Variants in CHD9 observed in about 807,000 individuals in gnomAD.
The protein encoded by CHD9 is ATP-dependent chromatin remodeler CHD9.
Under a neutral mutation model 316.1 loss-of-function variants are expected in CHD9, and 77 were observed. That is an observed-to-expected ratio of 0.24 (90% confidence interval 0.20 to 0.29). The LOEUF is 0.29. CHD9 is among the 10% of genes least tolerant of loss of function. CHD9 has a pLI of 1.00. For synonymous variants in CHD9, 1,129 were observed against 1,158.3 expected (o/e 0.97, Z 0.51); for missense variants, 2,763 against 3,438.1 (o/e 0.80, Z 4.91).
chr16:53,090,304 G>C (rs948429007), intron 1 of CHD9, among the ~76,000 whole-genome samples: 1 of 152,212 alleles, frequency 6.6e-6, no homozygotes, highest in Non-Finnish European at 1.5e-5. Flanking sequence ...CCTGGGAGAA[G>C]GATGGGGCTG....
intron 19 of CHD9, among the ~76,000 whole-genome samples, chr16:53,257,695 A>T (rs1209551660): frequency 6.6e-6 from 1 of 152,188 alleles, no homozygotes; most frequent in African/African-American, 2.4e-5. Context: ...CCAAATGGAG[A>T]TGTCTAGGAG....
intron 1 of CHD9, among the ~76,000 whole-genome samples, chr16:53,117,203 C>G (rs1419062020): frequency 6.6e-6 from 1 of 151,970 alleles, no homozygotes. Context: ...CAAACCTGTA[C>G]ATCCTGCACA....
At chr16:53,119,236 T>A (rs547057692) in intron 1 of CHD9, among the ~76,000 whole-genome samples, 1 of 152,320 alleles carries the variant, frequency 6.6e-6, no homozygotes, top group African/African-American at 2.4e-5. Context: ...GCATTAATTA[T>A]GTGCAGTTTT....
At chr16:53,237,098 A>G (rs1239249997) in intron 11 of CHD9, among the ~76,000 whole-genome samples, 1 of 152,008 alleles carries the variant, frequency 6.6e-6, no homozygotes, top group Non-Finnish European at 1.5e-5. Flanking sequence ...AATTAATATT[A>G]TTTCCTGTTT....
intron 24 of CHD9, among the ~76,000 whole-genome samples, chr16:53,277,280 C>G (rs1395211259): frequency 2.0e-5 from 3 of 152,050 alleles, no homozygotes; most frequent in Admixed American, 2.0e-4. Flanking sequence ...ACCCTGATAC[C>G]AAAACCAGGA....
intron 25 of CHD9, among the ~76,000 whole-genome samples, chr16:53,285,925 C>T (rs2053831945): frequency 6.6e-6 from 1 of 152,182 alleles, no homozygotes; most frequent in Non-Finnish European, 1.5e-5. Context: ...AAGACAACTT[C>T]CTCTCTCAGG....
At chr16:53,208,768 G>C in intron 2 of CHD9, 1 of 925,946 alleles carries the variant, frequency 1.1e-6, no homozygotes, top group Non-Finnish European at 1.3e-6. Flanking sequence ...GTTTGAAGAG[G>C]AAATTCTTTT....
chr16:53,088,304 G>T (rs1236461888), intron 1 of CHD9, among the ~76,000 whole-genome samples: 1 of 136,498 alleles, frequency 7.3e-6, no homozygotes, highest in Non-Finnish European at 1.5e-5. Flanking sequence ...TTGAGATGGA[G>T]TCTCGTTCTG....
rs1359010556 is a variant in CHD9, at chr16:53,307,718, A to T, written c.6818A>T (p.Gln2273Leu). ...VMINRLDSICQTVLKGKWPSA... is the reference protein window; with the variant it reads ...VMINRLDSICLTVLKGKWPSA... ...ATCAATAGGTTGGACAGTATTTGTC[A>T]AACAGTTCTGAAAGGAAAGTGGCCT... Residue 2273 changes from glutamine to leucine, a missense_variant, in exon 33 of 39, where the codon CAA becomes CTA. This residue lies in a region of CHD9 where 663 missense variants were observed against 751.2 expected (regional missense o/e 0.88). Coordinates refer to ENST00000447540, the MANE Select transcript of CHD9 (RefSeq NM_001308319.2). 6.2e-7 allele frequency: 1 copy of T among 1,611,648 alleles called. No individual in the cohort carries two copies. Among genetic ancestry groups the T allele is most frequent in the Non-Finnish European group, 8.5e-7 (1 of 1,178,776 alleles).
At chr16:53,282,628 G>A (rs2053516380) in intron 24 of CHD9, among the ~76,000 whole-genome samples, 1 of 152,012 alleles carries the variant, frequency 6.6e-6, no homozygotes, top group Non-Finnish European at 1.5e-5. Context: ...AAAGAAAGAA[G>A]CATCTATGTT....
intron 2 of CHD9, among the ~76,000 whole-genome samples, chr16:53,203,537 C>T (rs192919681): frequency 7.2e-4 from 109 of 152,240 alleles, no homozygotes; most frequent in African/African-American, 2.3e-3. Flanking sequence ...GTTTTATGTC[C>T]TCTTCCATTG....
intron 13 of CHD9, among the ~76,000 whole-genome samples, chr16:53,243,579 C>T (rs2049294273): frequency 6.6e-6 from 1 of 152,202 alleles, no homozygotes; most frequent in African/African-American, 2.4e-5. Flanking sequence ...TCCAAAAGTG[C>T]TGGGATTACA....
At chr16:53,162,867 C>T (rs2042015077) in intron 2 of CHD9, among the ~76,000 whole-genome samples, 1 of 151,096 alleles carries the variant, frequency 6.6e-6, no homozygotes, top group Non-Finnish European at 1.5e-5. Flanking sequence ...TCATTGCAGC[C>T]TCCATCTCCT....
chr16:53,221,430 A>C (rs1285792475), intron 3 of CHD9, among the ~76,000 whole-genome samples: 1 of 152,232 alleles, frequency 6.6e-6, no homozygotes, highest in Admixed American at 6.5e-5. Context: ...TCTTTCTGAT[A>C]AATCATACCT....
At chr16:53,063,827 G>A (rs2033218019) in intron 1 of CHD9, among the ~76,000 whole-genome samples, 1 of 146,586 alleles carries the variant, frequency 6.8e-6, no homozygotes, top group African/African-American at 2.5e-5. Flanking sequence ...CACCATGCCT[G>A]GCCTTTTTTT....
intron 1 of CHD9, among the ~76,000 whole-genome samples, chr16:53,153,093 C>G (rs1346698947): frequency 6.6e-6 from 1 of 152,096 alleles, no homozygotes; most frequent in Non-Finnish European, 1.5e-5. Flanking sequence ...GAAAAACGAC[C>G]CTTGTATTTC....
At chr16:53,094,763 C>T (rs1451580336) in intron 1 of CHD9, among the ~76,000 whole-genome samples, 1 of 151,882 alleles carries the variant, frequency 6.6e-6, no homozygotes, top group African/African-American at 2.4e-5. Context: ...CCCCAGCCTC[C>T]TGAGTAGCTG....
At position 53,245,466 on chromosome 16, in the gene CHD9, A is replaced by C; in HGVS notation, c.3185A>C (p.Lys1062Thr). Residue 1062 changes from lysine to threonine, a missense_variant, in exon 14 of 39, where the codon AAA becomes ACA. Physicochemically the swap from Lys to Thr is moderately conservative, Grantham distance 78. Coordinates refer to ENST00000447540, the MANE Select transcript of CHD9 (RefSeq NM_001308319.2). The surrounding 1 kb of genome is among the most constrained non-coding windows in gnomAD (Gnocchi z 4.1). ...STFMQEFGDL[K>T]TEEQVQKLQA... ...TTTATGCAAGAATTTGGGGATCTGA[A>C]AACAGAGGAACAGGTATCCTATTGC... 1 of 1,595,228 alleles carries C rather than the reference A, an allele frequency of 6.3e-7. No individual in the cohort carries two copies. Among genetic ancestry groups the C allele is most frequent in the Non-Finnish European group, 8.5e-7 (1 of 1,174,518 alleles).
intron 2 of CHD9, among the ~76,000 whole-genome samples, chr16:53,172,525 G>C (rs962081396): frequency 4.6e-5 from 7 of 152,020 alleles, no homozygotes; most frequent in African/African-American, 1.7e-4. Flanking sequence ...TATTTCCATT[G>C]GGTAAATACC....
Sources: gnomAD v4.1 joint callset for allele counts (sites outside exome capture counted in the v4.1 genomes callset) on GRCh38, gnomAD v4.1.1 for gene constraint, gnomAD v4.1.1 regional missense constraint, Gnocchi (gnomAD v3.1) non-coding constraint, MANE v1.5 for transcripts, NCBI Gene and HGNC (gene_info 2026-07-23, HGNC 2026-07-21) for gene names.